PAK2: variants seen among roughly 807,000 people sequenced by gnomAD.
The protein encoded by PAK2 is p21 (RAC1) activated kinase 2, also known as serine/threonine-protein kinase PAK 2.
A neutral mutation model predicts 65.9 loss-of-function variants in PAK2; 21 were observed. The observed-to-expected ratio is 0.32, with a 90% CI of 0.23 to 0.46. The LOEUF is 0.46. Among genes scored for constraint, PAK2 ranks in the 20% least tolerant of loss-of-function variants. The probability of loss-of-function intolerance (pLI) is 1.00; values close to 1 mark genes in which losing one functional copy is unlikely to be tolerated. For missense variants in PAK2, 324 were observed against 642.6 expected, an observed-to-expected ratio of 0.50 and a Z score of 5.36; for synonymous variants, 204 against 219.7, an observed-to-expected ratio of 0.93 and a Z score of 0.63.
intron 1 of PAK2, among the ~76,000 whole-genome samples, chr3:196,753,405 C>T (rs1003133493): frequency 2.6e-5 from 4 of 151,158 alleles, no homozygotes; most frequent in Non-Finnish European, 4.4e-5. Flanking sequence ...CCACCACACC[C>T]GCCTAATTTC....
rs753465356 is a variant in PAK2, at chr3:196,820,590, C to G, written c.1350+23C>G. 1 of 1,312,846 alleles carries G rather than the reference C, an allele frequency of 7.6e-7. No individual in the cohort carries two copies. Among genetic ancestry groups the G allele is most frequent in the South Asian group, 1.5e-5 (1 of 68,816 alleles). 81.3% of individuals were successfully genotyped at this position (1,312,846 alleles called of 1,614,324 possible). ...AGGGTAAGATGAGTTAAACACCAGC[C>G]TTGTTCAATGTTTTTCTTTGAAACT... is the stretch of plus-strand genomic sequence containing the variant. On this transcript the variant is annotated intron_variant, in intron 13 of 14. Transcript: ENST00000327134. This position sits in a 1 kb window ranked among gnomAD's most constrained non-coding sequence, Gnocchi z 4.6.
chr3:196,814,058 G>A (rs574458539), intron 10 of PAK2, among the ~76,000 whole-genome samples: 6 of 152,296 alleles, frequency 3.9e-5, no homozygotes, highest in South Asian at 2.1e-4. Flanking sequence ...CTTCGGAATC[G>A]TTGATCCTTG....
At chr3:196,750,210 G>A (rs1030902122) in intron 1 of PAK2, among the ~76,000 whole-genome samples, 2 of 151,812 alleles carry the variant, frequency 1.3e-5, no homozygotes, top group African/African-American at 2.4e-5. Context: ...GGTTGGTCTC[G>A]AACTCCTGAG....
intron 5 of PAK2, among the ~76,000 whole-genome samples, chr3:196,806,069 G>A (rs1251325034): frequency 1.3e-5 from 2 of 151,654 alleles, no homozygotes; most frequent in African/African-American, 4.8e-5. Context: ...CTGCCACCAC[G>A]ACCAGCTAAT....
At chr3:196,745,905 T>G (rs1713362397) in intron 1 of PAK2, among the ~76,000 whole-genome samples, 1 of 152,156 alleles carries the variant, frequency 6.6e-6, no homozygotes, top group Non-Finnish European at 1.5e-5. Flanking sequence ...AACGTCTTTA[T>G]TTTGTTTTCC....
chr3:196,798,436 C>A (rs899646907), intron 2 of PAK2, among the ~76,000 whole-genome samples: 2 of 151,886 alleles, frequency 1.3e-5, no homozygotes, highest in African/African-American at 4.8e-5. Flanking sequence ...TGCCACCTCC[C>A]AGGTTCAAGT....
At chr3:196,753,185 C>T (rs1713664363) in intron 1 of PAK2, among the ~76,000 whole-genome samples, 1 of 151,782 alleles carries the variant, frequency 6.6e-6, no homozygotes, top group African/African-American at 2.4e-5. Flanking sequence ...TCTCGATCTC[C>T]TGACCTCGTG....
chr3:196,788,464 G>A (rs76295313), intron 2 of PAK2, among the ~76,000 whole-genome samples: 4,087 of 152,214 alleles, frequency 0.027, 69 homozygotes, highest in Middle Eastern at 0.068. Flanking sequence ...CAAAAAACTC[G>A]AAAATTATCC....
At chr3:196,815,372 A>C (rs551104967) in intron 11 of PAK2, among the ~76,000 whole-genome samples, 1 of 151,042 alleles carries the variant, frequency 6.6e-6, no homozygotes, top group Non-Finnish European at 1.5e-5. Context: ...CACGCCTGTA[A>C]TCCCAGCTAC....
intron 2 of PAK2, among the ~76,000 whole-genome samples, chr3:196,784,013 A>G (rs904111356): frequency 3.9e-5 from 6 of 152,144 alleles, no homozygotes; most frequent in African/African-American, 1.4e-4. Flanking sequence ...GCTATGGATA[A>G]TGTTGAATGT....
chr3:196,770,747 C>G (rs959645765), intron 1 of PAK2, among the ~76,000 whole-genome samples: 1 of 151,916 alleles, frequency 6.6e-6, no homozygotes, highest in South Asian at 2.1e-4. Context: ...CTCAGCTTCC[C>G]GAGTAGCTGG....
chr3:196,812,596 C>T, intron 9 of PAK2, 143 bp from the exon 10 acceptor site: 2 of 598,850 alleles, frequency 3.3e-6, no homozygotes, highest in South Asian at 4.2e-5. Context: ...TGTGCACAGG[C>T]AGTGTGCAAG....
intron 1 of PAK2, among the ~76,000 whole-genome samples, chr3:196,773,303 CAT>C (rs1455428051): frequency 6.6e-6 from 1 of 152,110 alleles, no homozygotes; most frequent in Non-Finnish European, 1.5e-5. Flanking sequence ...TTAAGCAAAA[CAT>C]AAGGTAAATC....
intron 1 of PAK2, among the ~76,000 whole-genome samples, chr3:196,776,986 A>G (rs570789435): frequency 6.6e-6 from 1 of 152,336 alleles, no homozygotes; most frequent in African/African-American, 2.4e-5. Context: ...AGCTAAAACA[A>G]CTCAGCACAA....
Position 196,832,639 on chromosome 3 carries a change from A to G in PAK2, c.*4234A>G, listed in dbSNP as rs1392215388. 6.6e-6 allele frequency: 1 copy of G among 151,810 alleles called. No homozygotes were observed. The highest frequency in any genetic ancestry group is 6.6e-5 in the Admixed American group (1 of 15,230). The allele number at this position is 151,810 out of a possible 1,614,324, so 9.4% of individuals were successfully genotyped here. A position where few individuals can be genotyped will look rare whatever the true frequency, so the allele number is the denominator to read the frequency against. On this transcript the variant is annotated 3_prime_UTR_variant, in exon 15 of 15. Transcript: ENST00000327134. ...GTATTTTTAGTGATAAATGTTTTAA[A>G]CCTTTTAATGGTGTTGTGCCATCAT... is the stretch of plus-strand genomic sequence containing the variant.
At chr3:196,795,679 G>A (rs115672511) in intron 2 of PAK2, among the ~76,000 whole-genome samples, 52 of 152,262 alleles carry the variant, frequency 3.4e-4, no homozygotes, top group Non-Finnish European at 5.6e-4. Context: ...CTATACTATT[G>A]AAAGTGTCTT....
intron 1 of PAK2, among the ~76,000 whole-genome samples, chr3:196,751,683 ATATATATAT>A (rs1277103157): frequency 0.1 from 7,981 of 79,860 alleles, 1,645 homozygotes; most frequent in African/African-American, 0.26. Context: ...ACATATATAT[ATATATATAT>A]ATAATTCAGG....
At chr3:196,808,809 C>T (rs990670712) in intron 7 of PAK2, among the ~76,000 whole-genome samples, 9 of 151,904 alleles carry the variant, frequency 5.9e-5, no homozygotes, top group African/African-American at 1.5e-4. Flanking sequence ...TGCAGTGAGC[C>T]GAGATCGTGC....
intron 2 of PAK2, among the ~76,000 whole-genome samples, chr3:196,787,192 T>G (rs1714917610): frequency 6.6e-6 from 1 of 152,200 alleles, no homozygotes; most frequent in Admixed American, 6.5e-5. Flanking sequence ...ATCCTGTTAA[T>G]TGCTTTGGCT....
Sources: allele counts gnomAD v4.1 joint callset (sites outside exome capture counted in the v4.1 genomes callset), GRCh38; gene constraint gnomAD v4.1.1; non-coding constraint Gnocchi (gnomAD v3.1); transcripts MANE v1.5; gene names NCBI Gene and HGNC (gene_info 2026-07-23, HGNC 2026-07-21).